The following SBNO1 variants were observed in gnomAD, a reference collection of about 807,000 sequenced individuals.
SBNO1 encodes the protein protein strawberry notch homolog 1.
In SBNO1, 23 loss-of-function variants were observed where a neutral mutation model predicts 173.6. That is an observed-to-expected ratio of 0.13 (90% CI 0.10 to 0.19). The LOEUF (loss-of-function observed/expected upper bound fraction) is 0.19. SBNO1 is among the 10% of genes least tolerant of loss of function. The pLI, the probability that SBNO1 is intolerant of heterozygous loss-of-function variation, is 1.00. For missense variants in SBNO1, 1,238 were observed against 1,671.2 expected (o/e 0.74, Z 4.52); for synonymous variants, 632 against 571.5 (o/e 1.11, Z -1.51).
chr12:123,335,381 G>A (rs1338247123), intron 6 of SBNO1, among the ~76,000 whole-genome samples: 3 of 152,206 alleles, frequency 2.0e-5, no homozygotes, highest in African/African-American at 7.2e-5. Context: ...ATCCTGGGAG[G>A]TGGAGGTTGC....
At chr12:123,330,979 T>C (rs533210012) in intron 8 of SBNO1, among the ~76,000 whole-genome samples, 4 of 152,174 alleles carry the variant, frequency 2.6e-5, no homozygotes, top group South Asian at 2.1e-4. Flanking sequence ...AAACCTTCCA[T>C]TGAGACGGAG....
chr12:123,303,922 C>CTTTTTT lies in SBNO1; in HGVS notation c.3768+654_3768+659dup, dbSNP rs11413728. The stretch of plus-strand genomic sequence containing the variant: ...TTCAATATATTATAAAATAAGTATT[C>CTTTTTT]TTTTTTTTTTTTTTTTTTTTTTGAG... On this transcript the variant is annotated intron_variant, in intron 29 of 31. Transcript: ENST00000602398. Among the ~76,000 whole-genome samples, 36 of 100,466 alleles carry CTTTTTT rather than the reference C, an allele frequency of 3.6e-4. 1 individual carries two copies. The highest frequency in any genetic ancestry group is 6.3e-4 in the Admixed American group (4 of 6,360). 65.9% of individuals were successfully genotyped at this position (100,466 alleles called of 152,430 possible). A position where few individuals can be genotyped will look rare whatever the true frequency, so the allele number is the denominator to read the frequency against.
At chr12:123,323,063 A>C (rs1377324052) in intron 16 of SBNO1, among the ~76,000 whole-genome samples, 3 of 152,198 alleles carry the variant, frequency 2.0e-5, no homozygotes, top group Non-Finnish European at 4.4e-5. Flanking sequence ...TCTGTGCTTC[A>C]ATGATCTCTG....
intron 5 of SBNO1, among the ~76,000 whole-genome samples, chr12:123,337,956 G>A (rs7980481): frequency 0.029 from 4,456 of 152,116 alleles, 216 homozygotes; most frequent in African/African-American, 0.1. Flanking sequence ...AATACTGAAG[G>A]ACCACTATAT....
rs1408356437 is a variant in SBNO1, at chr12:123,348,071, T to C, written c.195A>G (p.Gln65=). Residue 65 remains glutamine (Q), a synonymous_variant, in exon 3 of 32, where the codon CAA becomes CAG. Coordinates refer to ENST00000602398, the MANE Select transcript of SBNO1 (RefSeq NM_001167856.3). ...LETEAAVPVK[Q]EPETVPTPAL... ...CTGGAGTAGGTACAGTCTCTGGTTC[T>C]TGTTTAACAGGAACTGCTGCTTCGG... The C allele has an allele frequency of 1.2e-6, 2 of 1,611,876 alleles. No individual in the cohort carries two copies. The highest frequency in any genetic ancestry group is 2.2e-5 in the South Asian group (2 of 91,046).
intron 1 of SBNO1, among the ~76,000 whole-genome samples, chr12:123,360,361 T>A (rs1198992279): frequency 2.6e-5 from 4 of 152,150 alleles, no homozygotes; most frequent in Non-Finnish European, 5.9e-5. Flanking sequence ...GTGTTCTCCA[T>A]CTTCACAGGT....
Position 123,309,557 on chromosome 12 carries a change from G to T in SBNO1, c.3469C>A (p.Arg1157=), listed in dbSNP as rs3825141. 70,188 of 1,612,812 alleles carry T rather than the reference G, an allele frequency of 0.044. 2,560 individuals are homozygous for T. Among genetic ancestry groups the T allele is most frequent in the East Asian group, 0.24 (10,919 of 44,840 alleles). Residue 1157 remains arginine (R), a synonymous_variant, in exon 27 of 32, where the codon CGG becomes AGG. Coordinates refer to ENST00000602398, the MANE Select transcript of SBNO1 (RefSeq NM_001167856.3). ...LDLGSGDEKV[R]KSDVKKFLTP... is the part of the protein sequence containing the mutation. ...AGAAACTTTTTAACATCACTTTTCC[G>T]CACTTTTTCATCTCCAGAACCAAGA...
At chr12:123,346,386 C>T (rs1166422969) in intron 3 of SBNO1, among the ~76,000 whole-genome samples, 2 of 152,182 alleles carry the variant, frequency 1.3e-5, no homozygotes, top group African/African-American at 2.4e-5. Context: ...TACTATTGGC[C>T]GGGCGCGGTG....
chr12:123,329,758 T>C (rs1448004879), intron 9 of SBNO1, among the ~76,000 whole-genome samples: 6 of 152,146 alleles, frequency 3.9e-5, no homozygotes, highest in Non-Finnish European at 8.8e-5. Context: ...ACATGGGAAG[T>C]AGAGGTGCAG....
intron 5 of SBNO1, among the ~76,000 whole-genome samples, chr12:123,339,388 C>T (rs531956989): frequency 2.6e-5 from 4 of 152,012 alleles, no homozygotes; most frequent in Non-Finnish European, 5.9e-5. Context: ...CTACTCATCC[C>T]GAATCTGTCT....
chr12:123,341,521 T>C (rs1167321139), intron 4 of SBNO1, among the ~76,000 whole-genome samples: 1 of 152,156 alleles, frequency 6.6e-6, no homozygotes, highest in Non-Finnish European at 1.5e-5. Context: ...CTATAACTAA[T>C]TTATTTTTAT....
At chr12:123,332,540 C>G (rs1871340450) in intron 7 of SBNO1, among the ~76,000 whole-genome samples, 1 of 151,228 alleles carries the variant, frequency 6.6e-6, no homozygotes, top group Admixed American at 6.6e-5. Context: ...GATCCGCCAG[C>G]TTCAGCCTCC....
chr12:123,336,260 T>A (rs1020116867), intron 6 of SBNO1, 135 bp downstream of exon 6: 24 of 625,424 alleles, frequency 3.8e-5, no homozygotes, highest in African/African-American at 3.5e-4. Context: ...AATCCAAGCT[T>A]CTTTAGTTTT....
intron 6 of SBNO1, 61 bp downstream of exon 6, chr12:123,336,334 A>C (rs1199471803): frequency 9.2e-7 from 1 of 1,082,962 alleles, no homozygotes; most frequent in African/African-American, 1.6e-5. Flanking sequence ...CAAAACAAAA[A>C]GAACCAAAGA....
intron 9 of SBNO1, among the ~76,000 whole-genome samples, chr12:123,329,411 T>TAA (rs1190818963): frequency 6.7e-6 from 1 of 150,218 alleles, no homozygotes; most frequent in Non-Finnish European, 1.5e-5. Context: ...TTCAAAGTCT[T>TAA]AAAAACTTTT....
chr12:123,364,281 G>A, intron 1 of SBNO1: 1 of 985,578 alleles, frequency 1.0e-6, no homozygotes, highest in Non-Finnish European at 1.2e-6. Flanking sequence ...ACTTGGGAAG[G>A]ATCCGGTCCT....
At chr12:123,348,891 T>C (rs1477387922) in intron 2 of SBNO1, 1 of 150,232 alleles carries the variant, frequency 6.7e-6, no homozygotes, top group East Asian at 2.0e-4. Flanking sequence ...ACCTGAGAGG[T>C]GGAGGTTGCA....
At chr12:123,308,989 C>T (rs2048989975) in intron 28 of SBNO1, among the ~76,000 whole-genome samples, 1 of 151,778 alleles carries the variant, frequency 6.6e-6, no homozygotes, top group African/African-American at 2.4e-5. Context: ...GTAATCTCAG[C>T]TACTCGGGAG....
At chr12:123,348,635 G>C (rs1271603453) in intron 2 of SBNO1, among the ~76,000 whole-genome samples, 1 of 152,118 alleles carries the variant, frequency 6.6e-6, no homozygotes, top group Non-Finnish European at 1.5e-5. Flanking sequence ...GTGTGGTGGT[G>C]GGCGCCTGTA....
Sources: allele counts gnomAD v4.1 joint callset (sites outside exome capture counted in the v4.1 genomes callset), GRCh38; gene constraint gnomAD v4.1.1; transcripts MANE v1.5; gene names NCBI Gene and HGNC (gene_info 2026-07-23, HGNC 2026-07-21).